PTPRD: variants seen among roughly 807,000 people sequenced by gnomAD.
PTPRD encodes the protein protein tyrosine phosphatase receptor type D.
A neutral mutation model predicts 214.5 loss-of-function variants in PTPRD; 34 were observed. That is an observed-to-expected ratio of 0.16 (90% CI 0.12 to 0.21). PTPRD has a LOEUF of 0.21. Ranked by LOEUF, PTPRD falls within the 10% of genes least tolerant of loss-of-function variation. The probability of loss-of-function intolerance (pLI) is 1.00; values close to 1 mark genes in which losing one functional copy is unlikely to be tolerated. For missense variants in PTPRD, 2,545 were observed against 2,398.7 expected (o/e 1.06, Z -1.27); for synonymous variants, 1,128 against 845.7 (o/e 1.33, Z -5.79).
chr9:9,539,617 C>A (rs1429083828), intron 8 of PTPRD, among the ~76,000 whole-genome samples: 1 of 151,716 alleles, frequency 6.6e-6, no homozygotes, highest in Non-Finnish European at 1.5e-5. Flanking sequence ...ACTGTATTAG[C>A]AATGTACTGC....
intron 21 of PTPRD, among the ~76,000 whole-genome samples, chr9:8,516,166 A>C (rs2097777285): frequency 6.6e-6 from 1 of 152,232 alleles, no homozygotes; most frequent in South Asian, 2.1e-4. Flanking sequence ...AACCACTTTT[A>C]GTCAAGAAAA....
intron 5 of PTPRD, among the ~76,000 whole-genome samples, chr9:9,794,028 C>A (rs926394701): frequency 6.6e-6 from 1 of 151,884 alleles, no homozygotes; most frequent in Non-Finnish European, 1.5e-5. Context: ...TTTTGTCCTA[C>A]GCGAGGCATT....
At chr9:10,564,100 A>C (rs1381269130) in intron 2 of PTPRD, among the ~76,000 whole-genome samples, 1 of 148,176 alleles carries the variant, frequency 6.7e-6, no homozygotes, top group Non-Finnish European at 1.5e-5. Flanking sequence ...CTGGGGCTCA[A>C]GTAATCCTCC....
intron 9 of PTPRD, among the ~76,000 whole-genome samples, chr9:9,361,516 C>T (rs527781596): frequency 2.0e-5 from 3 of 150,988 alleles, no homozygotes; most frequent in African/African-American, 7.3e-5. Flanking sequence ...TTCAATTCTA[C>T]TGTTGATCTT....
chr9:10,297,650 C>T (rs2095721912), intron 3 of PTPRD, among the ~76,000 whole-genome samples: 1 of 150,860 alleles, frequency 6.6e-6, no homozygotes, highest in Admixed American at 6.6e-5. Context: ...TGTGTGAATA[C>T]AGAAATGAAT....
Position 9,679,408 on chromosome 9 carries a change from G to C in PTPRD, c.-287+55125C>G, listed in dbSNP as rs117194307. On this transcript the variant is annotated intron_variant, in intron 7 of 45. Transcript: ENST00000381196. ...CATAAATATAAAGTAATTACCTATA[G>C]AAGAAACAAACTGTCAAAAACCTGA... 1.2e-4 allele frequency among the ~76,000 whole-genome samples: 18 copies of C among 151,920 alleles called. No individual in the cohort carries two copies. In the South Asian group the frequency reaches 3.7e-3, roughly 32 times the overall value.
rs757875861 is a variant in PTPRD at position 9,397,483 on chromosome 9, C to G, written c.-236-1G>C. On this transcript the variant is annotated splice_acceptor_variant, in intron 8 of 45. Transcript: ENST00000381196. LOFTEE classifies it low-confidence loss of function (5UTR_SPLICE). ...TCAGTTAATGGACAGGCACCATCATCTGAAACAACAAAAATGTATTTTGAT... is the reference window on the plus strand; with the variant it reads ...TCAGTTAATGGACAGGCACCATCATGTGAAACAACAAAAATGTATTTTGAT... 2.6e-5 allele frequency: 4 copies of G among 152,396 alleles called. No individual in the cohort carries two copies. Among genetic ancestry groups the G allele is most frequent in the Non-Finnish European group, 2.9e-5 (2 of 67,950 alleles). The allele number at this position is 152,396 out of a possible 1,614,324, so 9.4% of individuals were successfully genotyped here.
intron 2 of PTPRD, among the ~76,000 whole-genome samples, chr9:10,583,171 A>G (rs995068421): frequency 1.3e-5 from 2 of 152,196 alleles, no homozygotes; most frequent in Admixed American, 6.5e-5. Context: ...AAGTATCCCA[A>G]TGCAGAAGTT....
At chr9:9,701,751 C>A (rs774662523) in intron 7 of PTPRD, among the ~76,000 whole-genome samples, 4 of 152,002 alleles carry the variant, frequency 2.6e-5, no homozygotes, top group African/African-American at 7.2e-5. Flanking sequence ...GCTATTAATA[C>A]AATTTGGGAG....
chr9:8,962,738 T>A (rs1286261938), intron 11 of PTPRD: 1 of 152,096 alleles, frequency 6.6e-6, no homozygotes, highest in Non-Finnish European at 1.5e-5. Context: ...TCATCTCTTT[T>A]ATGGGGAATT....
chr9:10,194,345 TAGAGAGAGAGAGAGAG>T (rs1182799154), intron 3 of PTPRD, among the ~76,000 whole-genome samples: 2,820 of 38,634 alleles, frequency 0.073, 34 homozygotes, highest in Non-Finnish European at 0.094. Context: ...TATATATATA[TAGAGAGAGAGAGAGAG>T]AGAGAGAGAG....
chr9:10,301,026 C>A (rs182709591), intron 3 of PTPRD, among the ~76,000 whole-genome samples: 1 of 152,144 alleles, frequency 6.6e-6, no homozygotes, highest in East Asian at 2.0e-4. Context: ...CTCTGGCTGG[C>A]GTCTGGCAAT....
chr9:9,014,141 C>A (rs613105), intron 11 of PTPRD, among the ~76,000 whole-genome samples: 53,389 of 149,794 alleles, frequency 0.36, 9,781 homozygotes, highest in Middle Eastern at 0.46. Flanking sequence ...AATTAAAGAG[C>A]AAAATGAATA....
intron 2 of PTPRD, among the ~76,000 whole-genome samples, chr9:10,475,433 A>ACG (rs1166788184): frequency 6.6e-6 from 1 of 150,852 alleles, no homozygotes; most frequent in Admixed American, 6.6e-5. Flanking sequence ...AAGACTAAAC[A>ACG]AAGAAGTCGA....
At chr9:9,595,288 T>TTATATATATATATATATATATATATTA (rs56676115) in intron 7 of PTPRD, among the ~76,000 whole-genome samples, 1 of 123,616 alleles carries the variant, frequency 8.1e-6, no homozygotes, top group African/African-American at 3.0e-5. Context: ...TATATATATA[T>TTATATATATATATATATATATATATTA]TATATATATA....
At chr9:9,681,189 C>T (rs966901884) in intron 7 of PTPRD, among the ~76,000 whole-genome samples, 1 of 151,710 alleles carries the variant, frequency 6.6e-6, no homozygotes, top group Non-Finnish European at 1.5e-5. Flanking sequence ...GTAATGAAAA[C>T]ATTTATATTT....
chr9:8,470,741 G>C (rs1039109948), intron 31 of PTPRD, among the ~76,000 whole-genome samples: 2 of 152,052 alleles, frequency 1.3e-5, no homozygotes, highest in Admixed American at 6.6e-5. Flanking sequence ...AGGAGCAAGG[G>C]GCAAAATGTT....
In PTPRD at chr9:10,340,802, C is replaced by T. The variant is rs148167926; in HGVS notation, c.-545+161G>A. Among the ~76,000 whole-genome samples the T allele has an allele frequency of 4.4e-3, 676 of 151,988 alleles. 6 individuals carry two copies. The highest frequency in any genetic ancestry group is 0.016 in the African/African-American group (646 of 41,510). On this transcript the variant is annotated intron_variant, in intron 3 of 45. Coordinates refer to ENST00000381196, the MANE Select transcript of PTPRD (RefSeq NM_002839.4). ...CCAAAGTGTATAGCAAGACTAAATC[C>T]AGGTGGCACACCATTAGTGCACTGA... is the stretch of plus-strand genomic sequence containing the variant.
chr9:8,921,717 C>A (rs1431962469), intron 11 of PTPRD, among the ~76,000 whole-genome samples: 1 of 152,000 alleles, frequency 6.6e-6, no homozygotes, highest in African/African-American at 2.4e-5. Flanking sequence ...TAGTCTCGAA[C>A]TCCCGACCTC....
Sources: gnomAD v4.1 joint callset for allele counts (sites outside exome capture counted in the v4.1 genomes callset) on GRCh38, gnomAD v4.1.1 for gene constraint, MANE v1.5 for transcripts, NCBI Gene and HGNC (gene_info 2026-07-23, HGNC 2026-07-21) for gene names.